Variants in AGBL1 observed in about 807,000 individuals in gnomAD.
AGBL1 encodes the protein cytosolic carboxypeptidase 4.
AGBL1 carries 130 observed loss-of-function variants against 118.9 expected under a neutral mutation model. That is an observed-to-expected ratio of 1.09 (90% CI 0.95 to 1.26). AGBL1 has a LOEUF of 1.26. Among genes scored for constraint, AGBL1 ranks in the 50% most tolerant of loss-of-function variants. The pLI, the probability that AGBL1 is intolerant of heterozygous loss-of-function variation, is 0.00. For missense variants in AGBL1, 1,584 were observed against 1,298.1 expected, an observed-to-expected ratio of 1.22 and a Z score of -3.38; for synonymous variants, 555 against 478.9, an observed-to-expected ratio of 1.16 and a Z score of -2.08.
At chr15:86,254,982 G>A (rs28475587) in intron 7 of AGBL1, among the ~76,000 whole-genome samples, 6,566 of 152,100 alleles carry the variant, frequency 0.043, 488 homozygotes, top group African/African-American at 0.15. Context: ...AATTCAGTTC[G>A]TGGTATGGCC....
At chr15:86,135,035 G>A (rs543956009) in intron 1 of AGBL1, among the ~76,000 whole-genome samples, 116 of 152,234 alleles carry the variant, frequency 7.6e-4, no homozygotes, top group Non-Finnish European at 6.3e-4. Flanking sequence ...CTAATGGGGC[G>A]CTGGGGCCTT....
chr15:86,117,081 A>G (rs191979857), intron 1 of AGBL1, among the ~76,000 whole-genome samples: 33 of 151,680 alleles, frequency 2.2e-4, no homozygotes, highest in African/African-American at 7.5e-4. Flanking sequence ...AGATTTGGCT[A>G]TGGCTCATGG....
intron 23 of AGBL1, among the ~76,000 whole-genome samples, chr15:86,965,427 G>T (rs977035993): frequency 6.6e-6 from 1 of 152,014 alleles, no homozygotes; most frequent in African/African-American, 2.4e-5. Flanking sequence ...CCGCATAAAT[G>T]TCTTCTTTTG....
intron 22 of AGBL1, among the ~76,000 whole-genome samples, chr15:86,867,875 T>A (rs1199376313): frequency 6.6e-6 from 1 of 152,194 alleles, no homozygotes; most frequent in Non-Finnish European, 1.5e-5. Flanking sequence ...AGTTTATCCA[T>A]GGCCGTCCAA....
chr15:86,380,539 G>T (rs1206270862), intron 17 of AGBL1, among the ~76,000 whole-genome samples: 2 of 107,342 alleles, frequency 1.9e-5, no homozygotes, highest in African/African-American at 9.8e-5. Flanking sequence ...TCCCTTCCTC[G>T]CTTCCTTCCT....
At chr15:86,717,622 G>A (rs1484158540) in intron 22 of AGBL1, among the ~76,000 whole-genome samples, 5 of 152,124 alleles carry the variant, frequency 3.3e-5, no homozygotes, top group African/African-American at 1.2e-4. Flanking sequence ...AGTAGCCTTA[G>A]CCAAGTAGAA....
intron 1 of AGBL1, among the ~76,000 whole-genome samples, chr15:86,119,846 A>G (rs768865134): frequency 6.6e-6 from 1 of 152,180 alleles, no homozygotes; most frequent in Non-Finnish European, 1.5e-5. Context: ...GCTCCCCACA[A>G]GGGACAAAAG....
chr15:86,803,411 G>C (rs2078677163), intron 22 of AGBL1, among the ~76,000 whole-genome samples: 1 of 152,134 alleles, frequency 6.6e-6, no homozygotes, highest in Non-Finnish European at 1.5e-5. Flanking sequence ...ATGTGGAAGT[G>C]TGAGTCAATT....
intron 22 of AGBL1, among the ~76,000 whole-genome samples, chr15:86,769,191 C>A (rs199962304): frequency 6.0e-5 from 3 of 50,302 alleles, no homozygotes; most frequent in African/African-American, 2.6e-4. Context: ...GAGAGAGAGA[C>A]AGAGAAAGAG....
chr15:86,325,611 C>T (rs776365185), intron 17 of AGBL1, among the ~76,000 whole-genome samples: 17 of 152,246 alleles, frequency 1.1e-4, no homozygotes, highest in Non-Finnish European at 2.2e-4. Flanking sequence ...GTTATATCAC[C>T]GAGTGGGCCA....
chr15:86,329,213 C>T (rs999124374), intron 17 of AGBL1, among the ~76,000 whole-genome samples: 23 of 152,164 alleles, frequency 1.5e-4, no homozygotes, highest in African/African-American at 5.5e-4. Flanking sequence ...CAGCAGATCC[C>T]TCTCCACTTC....
intron 6 of AGBL1, among the ~76,000 whole-genome samples, chr15:86,244,366 A>C (rs901113344): frequency 1.1e-4 from 17 of 152,026 alleles, no homozygotes; most frequent in East Asian, 1.9e-4. Context: ...AACTCCTCTA[A>C]GTTGCTGATC....
intron 10 of AGBL1, 65 bp downstream of exon 10, chr15:86,262,959 G>A: frequency 8.4e-7 from 1 of 1,184,456 alleles, no homozygotes. Flanking sequence ...GATCCTGGGA[G>A]GCCAAACCAG....
intron 17 of AGBL1, among the ~76,000 whole-genome samples, chr15:86,344,114 A>G (rs1181093474): frequency 3.3e-5 from 5 of 152,234 alleles, no homozygotes; most frequent in Non-Finnish European, 7.3e-5. Flanking sequence ...ATTTGAGTTG[A>G]ATGAAATCTA....
intron 17 of AGBL1, among the ~76,000 whole-genome samples, chr15:86,323,238 G>A (rs1008780218): frequency 8.6e-5 from 13 of 151,622 alleles, no homozygotes; most frequent in African/African-American, 2.9e-4. Flanking sequence ...CATCCACCAT[G>A]TTGCTAGAAG....
intron 4 of AGBL1, among the ~76,000 whole-genome samples, chr15:86,156,650 C>A (rs2077195328): frequency 6.6e-6 from 1 of 152,236 alleles, no homozygotes; most frequent in East Asian, 1.9e-4. Context: ...TTCTCTTCCC[C>A]GCCCTATGCT....
At chr15:86,160,185 C>T (rs1038016510) in intron 5 of AGBL1, among the ~76,000 whole-genome samples, 2 of 134,230 alleles carry the variant, frequency 1.5e-5, no homozygotes, top group Non-Finnish European at 3.1e-5. Context: ...GAAACATCTT[C>T]TCCAGGGTGT....
At chr15:86,853,551 A>G (rs540865982) in intron 22 of AGBL1, among the ~76,000 whole-genome samples, 1 of 152,328 alleles carries the variant, frequency 6.6e-6, no homozygotes, top group Non-Finnish European at 1.5e-5. Context: ...TGGAATCAGG[A>G]TCTGCACTAC....
intron 22 of AGBL1, among the ~76,000 whole-genome samples, chr15:86,808,295 G>A (rs942633077): frequency 2.0e-5 from 3 of 152,132 alleles, no homozygotes; most frequent in African/African-American, 7.2e-5. Context: ...AGAAGATGGT[G>A]TTCTCTATGT....
Sources: allele counts gnomAD v4.1 joint callset (sites outside exome capture counted in the v4.1 genomes callset), GRCh38; gene constraint gnomAD v4.1.1; transcripts MANE v1.5; gene names NCBI Gene and HGNC (gene_info 2026-07-23, HGNC 2026-07-21).